GABRA3: variants seen among roughly 807,000 people sequenced by gnomAD.
GABRA3 encodes the protein gamma-aminobutyric acid type A receptor subunit alpha3.
A neutral mutation model predicts 30.1 loss-of-function variants in GABRA3; 10 were observed. The observed-to-expected ratio is 0.33, with a 90% CI of 0.20 to 0.56. The LOEUF is 0.56. GABRA3 is among the 20% of genes least tolerant of loss of function. The pLI is 0.89. For missense variants in GABRA3, 233 were observed against 392.0 expected, an observed-to-expected ratio of 0.59 and a Z score of 3.42; for synonymous variants, 151 against 146.8, an observed-to-expected ratio of 1.03 and a Z score of -0.21.
chrX:152,169,114 G>A (rs142063394), intron 9 of GABRA3, among the ~76,000 whole-genome samples: 1,503 of 112,085 alleles, frequency 0.013, 22 homozygotes, highest in African/African-American at 0.046. Context: ...TATAGGCCCC[G>A]GACACTTTTT....
At chrX:152,266,647 G>T (rs1938829935) in intron 4 of GABRA3, among the ~76,000 whole-genome samples, 1 of 111,473 alleles carries the variant, frequency 9.0e-6, no homozygotes, top group Non-Finnish European at 1.9e-5. Flanking sequence ...ACAGCCTTCA[G>T]GTTTTAATCA....
At chrX:152,412,698 T>A (rs1478990437) in intron 1 of GABRA3, among the ~76,000 whole-genome samples, 1 of 109,893 alleles carries the variant, frequency 9.1e-6, no homozygotes, top group Non-Finnish European at 1.9e-5. Flanking sequence ...TCATGAGGGG[T>A]TTGAGAAAGA....
intron 5 of GABRA3, among the ~76,000 whole-genome samples, chrX:152,244,658 G>A (rs1471125073): frequency 1.8e-5 from 2 of 110,978 alleles, no homozygotes. Flanking sequence ...ATTTGCCTTC[G>A]ACCCACGGAG....
At chrX:152,178,697 C>T (rs962348816) in intron 9 of GABRA3, among the ~76,000 whole-genome samples, 1 of 110,571 alleles carries the variant, frequency 9.0e-6, no homozygotes, top group African/African-American at 3.3e-5. Context: ...TTTAAATTTG[C>T]TTTTATTATT....
rs760929823 is a variant in GABRA3 at position 152,441,380 on chromosome X, T to C, written c.-27+9766A>G. ...TGCCAAGATATAACATATTCATGAA[T>C]AGGAAATCTCTGTCAAAAGGATGTC... On this transcript the variant is annotated intron_variant, in intron 1 of 9. Coordinates refer to ENST00000370314, the MANE Select transcript of GABRA3 (RefSeq NM_000808.4). Among the ~76,000 whole-genome samples the C allele has an allele frequency of 2.7e-5, 3 of 112,039 alleles. No individual in the cohort carries two copies. The South Asian group carries it at 1.1e-3, about 42-fold the overall frequency.
chrX:152,282,514 A>G (rs1182192520), intron 4 of GABRA3, among the ~76,000 whole-genome samples: 2 of 112,423 alleles, frequency 1.8e-5, no homozygotes, highest in Non-Finnish European at 3.8e-5. Context: ...GCGGCTAAAA[A>G]TAATGTGAAA....
chrX:152,292,481 T>A (rs1489079842), intron 3 of GABRA3, among the ~76,000 whole-genome samples: 1 of 111,664 alleles, frequency 9.0e-6, no homozygotes, highest in Non-Finnish European at 1.9e-5. Flanking sequence ...ATTTTGTTGA[T>A]CTTTTCAGAA....
intron 1 of GABRA3, among the ~76,000 whole-genome samples, chrX:152,427,686 T>C (rs758547182): frequency 8.9e-6 from 1 of 111,933 alleles, no homozygotes; most frequent in Non-Finnish European, 1.9e-5. Context: ...TCTATCTGAG[T>C]CACCATTATA....
chrX:152,406,592 A>G (rs182733149), intron 1 of GABRA3, among the ~76,000 whole-genome samples: 2,125 of 105,577 alleles, frequency 0.02, 57 homozygotes, highest in African/African-American at 0.067. Context: ...ATATATATAT[A>G]TATTTTTATA....
At chrX:152,337,954 C>T (rs896433817) in intron 3 of GABRA3, among the ~76,000 whole-genome samples, 2 of 112,434 alleles carry the variant, frequency 1.8e-5, no homozygotes, top group East Asian at 2.8e-4. Context: ...GCACTTAGGT[C>T]GATTCCATAT....
intron 1 of GABRA3, among the ~76,000 whole-genome samples, chrX:152,430,642 T>A (rs1930628833): frequency 9.0e-6 from 1 of 111,659 alleles, no homozygotes; most frequent in Admixed American, 9.6e-5. Context: ...CTGATCACAG[T>A]ATTGCATCTA....
chrX:152,289,806 G>A (rs960122629), intron 3 of GABRA3, among the ~76,000 whole-genome samples: 2 of 110,941 alleles, frequency 1.8e-5, no homozygotes, highest in Non-Finnish European at 3.8e-5. Flanking sequence ...TCAGAATGAC[G>A]GTTTCCAGCT....
intron 6 of GABRA3, among the ~76,000 whole-genome samples, chrX:152,220,686 C>A (rs1799329222): frequency 9.0e-6 from 1 of 111,720 alleles, no homozygotes; most frequent in African/African-American, 3.3e-5. Flanking sequence ...GCATGAGAGT[C>A]CAGATTTGCT....
At chrX:152,420,978 C>A (rs1265728217) in intron 1 of GABRA3, among the ~76,000 whole-genome samples, 1 of 109,499 alleles carries the variant, frequency 9.1e-6, no homozygotes, top group Non-Finnish European at 1.9e-5. Flanking sequence ...TTTCCTGAGG[C>A]CTCCCCAGCA....
intron 8 of GABRA3, among the ~76,000 whole-genome samples, chrX:152,196,431 A>AAAGGAAGG (rs371088098): frequency 9.2e-6 from 1 of 108,662 alleles, no homozygotes; most frequent in African/African-American, 3.3e-5. Flanking sequence ...AGAAAGAAAG[A>AAAGGAAGG]AAGGAAGGAA....
At position 152,239,940 on chromosome X, in the gene GABRA3, CTT is replaced by C. The variant is rs1233745207; in HGVS notation, c.552-15097_552-15096del. Among the ~76,000 whole-genome samples, 43 of 100,640 alleles carry C rather than the reference CTT, an allele frequency of 4.3e-4. 1 individual carries two copies. The highest frequency in any genetic ancestry group is 6.8e-4 in the Non-Finnish European group (35 of 51,684). 87.4% of individuals were successfully genotyped at this position (100,640 alleles called of 115,157 possible). ...TACAGCACACTGATGGGTCTTGACT[CTT>C]TATCCAATTTGCCAGTCTGTGTCTT... is the stretch of plus-strand genomic sequence containing the variant. On this transcript the variant is annotated intron_variant, in intron 5 of 9. Coordinates refer to ENST00000370314, the MANE Select transcript of GABRA3 (RefSeq NM_000808.4).
intron 3 of GABRA3, among the ~76,000 whole-genome samples, chrX:152,285,673 A>G (rs1159808092): frequency 1.8e-5 from 2 of 110,866 alleles, no homozygotes; most frequent in Admixed American, 1.9e-4. Flanking sequence ...CATTGCTCAC[A>G]GTTCTGGAGT....
intron 1 of GABRA3, among the ~76,000 whole-genome samples, chrX:152,411,013 A>G (rs1248249398): frequency 8.9e-6 from 1 of 111,948 alleles, no homozygotes; most frequent in East Asian, 2.8e-4. Flanking sequence ...AATAGAAATT[A>G]TAAAAAGGAA....
rs1556780395 is a variant in GABRA3 at position 152,315,983 on chromosome X, C to CCA, written c.262+29597_262+29598insTG. On this transcript the variant is annotated intron_variant, in intron 3 of 9. Transcript: ENST00000370314. ...GGCCCGCCCCCCGACCCCCCCCCCC[C>CCA]CCACCACATGATCCTCTCCTGTACT... 1.9e-3 allele frequency among the ~76,000 whole-genome samples: 164 copies of CCA among 86,926 alleles called. 6 individuals are homozygous for CCA. The highest frequency in any genetic ancestry group is 7.0e-3 in the African/African-American group (159 of 22,814). The allele number at this position is 86,926 out of a possible 115,157, so 75.5% of individuals were successfully genotyped here. A position where few individuals can be genotyped will look rare whatever the true frequency, so the allele number is the denominator to read the frequency against.
Sources: allele counts gnomAD v4.1 joint callset (sites outside exome capture counted in the v4.1 genomes callset), GRCh38; gene constraint gnomAD v4.1.1; transcripts MANE v1.5; gene names NCBI Gene and HGNC (gene_info 2026-07-23, HGNC 2026-07-21).